QKI: variants seen among roughly 807,000 people sequenced by gnomAD.
QKI encodes QKI, KH domain containing RNA binding, also known as KH domain-containing RNA-binding protein QKI.
A neutral mutation model predicts 39.0 loss-of-function variants in QKI; 10 were observed. That is an observed-to-expected ratio of 0.26 (90% CI 0.16 to 0.43). The LOEUF (loss-of-function observed/expected upper bound fraction) is 0.43, where lower values mean the gene tolerates loss of function less well. QKI is among the 20% of genes least tolerant of loss of function. The pLI is 1.00. For synonymous variants in QKI, 204 were observed against 155.4 expected (o/e 1.31, Z -2.33); for missense variants, 218 against 428.0 (o/e 0.51, Z 4.33).
intron 3 of QKI, among the ~76,000 whole-genome samples, chr6:163,488,197 A>G (rs1583078408): frequency 6.6e-6 from 1 of 152,266 alleles, no homozygotes; most frequent in East Asian, 1.9e-4. Context: ...TTTTCAACAT[A>G]ATCCTAGTAG....
At chr6:163,521,931 A>T (rs1371722078) in intron 3 of QKI, among the ~76,000 whole-genome samples, 1 of 152,156 alleles carries the variant, frequency 6.6e-6, no homozygotes, top group African/African-American at 2.4e-5. Context: ...ATGCTTGATT[A>T]TGTTAATATA....
intron 3 of QKI, among the ~76,000 whole-genome samples, chr6:163,492,786 A>G (rs1778141612): frequency 6.6e-6 from 1 of 152,170 alleles, no homozygotes; most frequent in Non-Finnish European, 1.5e-5. Context: ...GAGTAAACGG[A>G]TGCCTATATG....
At chr6:163,532,209 C>A (rs1780906015) in intron 3 of QKI, among the ~76,000 whole-genome samples, 1 of 152,148 alleles carries the variant, frequency 6.6e-6, no homozygotes, top group African/African-American at 2.4e-5. Context: ...AAGCTTTTCT[C>A]AAAAATATTT....
chr6:163,417,743 C>T (rs1582944529), intron 1 of QKI, among the ~76,000 whole-genome samples: 1 of 152,130 alleles, frequency 6.6e-6, no homozygotes, highest in South Asian at 2.1e-4. Context: ...GTCTTGCTAT[C>T]TTTAGTTTTA....
intron 3 of QKI, among the ~76,000 whole-genome samples, chr6:163,483,860 C>T (rs1303808691): frequency 6.6e-6 from 1 of 152,124 alleles, no homozygotes; most frequent in East Asian, 1.9e-4. Context: ...TATACTTTGC[C>T]CAGATTTATC....
chr6:163,467,153 TCACACACA>T (rs763811466), intron 2 of QKI, among the ~76,000 whole-genome samples: 1 of 150,156 alleles, frequency 6.7e-6, no homozygotes, highest in Non-Finnish European at 1.5e-5. Context: ...GTGCTTAACA[TCACACACA>T]CACACACACA....
At chr6:163,526,434 A>C (rs895641544) in intron 3 of QKI, among the ~76,000 whole-genome samples, 1 of 152,216 alleles carries the variant, frequency 6.6e-6, no homozygotes, top group Non-Finnish European at 1.5e-5. Context: ...CATATGAATT[A>C]GTGAAAGGAT....
At chr6:163,526,452 A>C (rs2128239052) in intron 3 of QKI, among the ~76,000 whole-genome samples, 1 of 152,326 alleles carries the variant, frequency 6.6e-6, no homozygotes, top group Non-Finnish European at 1.5e-5. Flanking sequence ...GATTCTTTTA[A>C]TGCTGTGAGG....
At chr6:163,445,414 G>A (rs1413271637) in intron 1 of QKI, among the ~76,000 whole-genome samples, 2 of 138,466 alleles carry the variant, frequency 1.4e-5, no homozygotes, top group Non-Finnish European at 3.1e-5. Flanking sequence ...TGTCTGTTTC[G>A]TTTCCTCCAA....
intron 1 of QKI, among the ~76,000 whole-genome samples, chr6:163,416,880 G>A (rs1279940185): frequency 6.7e-6 from 1 of 149,210 alleles, no homozygotes; most frequent in Non-Finnish European, 1.5e-5. Flanking sequence ...GTTGGCATTT[G>A]AAAGATTGTG....
chr6:163,512,279 C>T (rs1014611935), intron 3 of QKI, among the ~76,000 whole-genome samples: 5 of 151,714 alleles, frequency 3.3e-5, no homozygotes, highest in African/African-American at 9.7e-5. Context: ...ACAAACAAGC[C>T]GAAGATGTTT....
At chr6:163,463,343 C>T (rs1791481421) in intron 2 of QKI, among the ~76,000 whole-genome samples, 1 of 152,164 alleles carries the variant, frequency 6.6e-6, no homozygotes, top group Admixed American at 6.5e-5. Context: ...TAGTGGTAAG[C>T]ACTGTGCAGT....
chr6:163,461,015 G>A (rs184230837), intron 2 of QKI, among the ~76,000 whole-genome samples: 1 of 152,308 alleles, frequency 6.6e-6, no homozygotes, highest in East Asian at 1.9e-4. Flanking sequence ...AAGTGATTCA[G>A]ATTACATATT....
chr6:163,456,990 A>G (rs529156872), intron 2 of QKI, among the ~76,000 whole-genome samples: 1 of 152,266 alleles, frequency 6.6e-6, no homozygotes, highest in South Asian at 2.1e-4. Context: ...ATCTACCATT[A>G]CCTAGACAGG....
chr6:163,529,889 G>C (rs1199990329), intron 3 of QKI, among the ~76,000 whole-genome samples: 1 of 152,192 alleles, frequency 6.6e-6, no homozygotes, highest in Non-Finnish European at 1.5e-5. Context: ...CAGATTTGCA[G>C]CAGGGAGGTA....
intron 3 of QKI, among the ~76,000 whole-genome samples, chr6:163,486,433 A>G (rs16895038): frequency 0.04 from 6,034 of 152,308 alleles, 408 homozygotes; most frequent in African/African-American, 0.14. Context: ...GTCATATTGT[A>G]TAATTGCAGA....
At chr6:163,565,616 A>G in intron 6 of QKI, 1 of 1,013,254 alleles carries the variant, frequency 9.9e-7, no homozygotes, top group Non-Finnish European at 1.2e-6. Context: ...CAGATTTCTA[A>G]TTGGCATTCA....
chr6:163,475,438 T>TTA (rs1170623284), intron 2 of QKI, among the ~76,000 whole-genome samples: 1 of 152,198 alleles, frequency 6.6e-6, no homozygotes, highest in East Asian at 1.9e-4. Context: ...ATGATATAAA[T>TTA]TATATTGGAG....
At position 163,446,166 on chromosome 6, in the gene QKI, C is replaced by T. The variant is rs191559944; in HGVS notation, c.143-9113C>T. 3.5e-3 allele frequency among the ~76,000 whole-genome samples: 536 copies of T among 152,242 alleles called. 4 individuals are homozygous for T. The highest frequency in any genetic ancestry group is 0.012 in the African/African-American group (491 of 41,540). ...TCTTTAAGGAAGAGCTGTCCCCTTTCCCCCTTGTATTTATTTATTCAGTTA... is the reference window on the plus strand; with the variant it reads ...TCTTTAAGGAAGAGCTGTCCCCTTTTCCCCTTGTATTTATTTATTCAGTTA... On this transcript the variant is annotated intron_variant, in intron 1 of 7. Coordinates refer to ENST00000361752, the MANE Select transcript of QKI (RefSeq NM_006775.3).
Sources: gnomAD v4.1 joint callset for allele counts (sites outside exome capture counted in the v4.1 genomes callset) on GRCh38, gnomAD v4.1.1 for gene constraint, MANE v1.5 for transcripts, NCBI Gene and HGNC (gene_info 2026-07-23, HGNC 2026-07-21) for gene names.